The following SLC31A1 variants were observed in gnomAD, a reference collection of about 807,000 sequenced individuals.
SLC31A1 encodes high affinity copper uptake protein 1.
Under a neutral mutation model 17.2 loss-of-function variants are expected in SLC31A1, and 5 were observed. That is an observed-to-expected ratio of 0.29 (90% CI 0.15 to 0.61). The LOEUF is 0.61. Ranked by LOEUF, SLC31A1 falls within the 20% of genes least tolerant of loss-of-function variation. SLC31A1 has a pLI of 0.86. For missense variants in SLC31A1, 161 were observed against 241.4 expected, an observed-to-expected ratio of 0.67 and a Z score of 2.21; for synonymous variants, 76 against 78.8, an observed-to-expected ratio of 0.96 and a Z score of 0.19.
At chr9:113,256,652 G>A (rs986170410) in intron 2 of SLC31A1, 3 of 264,666 alleles carry the variant, frequency 1.1e-5, no homozygotes, top group African/African-American at 4.5e-5. Context: ...ACAAGGTCAG[G>A]AGATCGAGAC....
chr9:113,246,182 C>T (rs1831576026), intron 1 of SLC31A1, among the ~76,000 whole-genome samples: 1 of 151,878 alleles, frequency 6.6e-6, no homozygotes, highest in Non-Finnish European at 1.5e-5. Context: ...CAAGCTGGGA[C>T]CACAGGTGCA....
At chr9:113,226,809 A>AT (rs1184058121) in intron 1 of SLC31A1, among the ~76,000 whole-genome samples, 7 of 152,218 alleles carry the variant, frequency 4.6e-5, no homozygotes, top group African/African-American at 1.7e-4. Context: ...TTGTAGAACT[A>AT]TGATGAGTGT....
intron 1 of SLC31A1, among the ~76,000 whole-genome samples, chr9:113,244,488 T>C (rs925458000): frequency 6.6e-6 from 1 of 152,138 alleles, no homozygotes; most frequent in Non-Finnish European, 1.5e-5. Flanking sequence ...AGAGAAAATA[T>C]CTCCATCTGT....
At chr9:113,243,808 G>A (rs552542094) in intron 1 of SLC31A1, among the ~76,000 whole-genome samples, 48 of 152,162 alleles carry the variant, frequency 3.2e-4, no homozygotes, top group African/African-American at 7.9e-4. Context: ...CTGAGTTATC[G>A]TCCCTTTTTG....
At chr9:113,257,413 A>T (rs1051489326) in intron 3 of SLC31A1, among the ~76,000 whole-genome samples, 1 of 152,102 alleles carries the variant, frequency 6.6e-6, no homozygotes, top group African/African-American at 2.4e-5. Context: ...GCTCTAAAAA[A>T]TAATTTAGAT....
At chr9:113,234,980 T>C (rs566999652) in intron 1 of SLC31A1, among the ~76,000 whole-genome samples, 1 of 152,234 alleles carries the variant, frequency 6.6e-6, no homozygotes, top group South Asian at 2.1e-4. Flanking sequence ...AAATAAAGCA[T>C]GATAAATAGA....
Position 113,257,135 on chromosome 9 carries a change from T to G in SLC31A1, c.152T>G (p.Phe51Cys). The change falls in exon 3 of 5, where the codon TTT becomes TGT. Residue 51 changes from phenylalanine to cysteine, a missense_variant. Phe to Cys is a radical substitution (Grantham distance 205, BLOSUM62 -2). Transcript: ENST00000374212. Reference sequence around the variant, plus strand: ...CAGCCTATGACCTTCTACTTTGGCTTTAAGAATGTGGAACTACTGTTTTCC... The same window carrying G: ...CAGCCTATGACCTTCTACTTTGGCTGTAAGAATGTGGAACTACTGTTTTCC... ...MMMPMTFYFG[F>C]KNVELLFSGL... The G allele has an allele frequency of 6.2e-7, 1 of 1,614,006 alleles. No individual in the cohort carries two copies. Among genetic ancestry groups the G allele is most frequent in the Non-Finnish European group, 8.5e-7 (1 of 1,179,884 alleles).
intron 1 of SLC31A1, among the ~76,000 whole-genome samples, chr9:113,254,142 T>TG (rs1831693403): frequency 6.6e-6 from 1 of 151,854 alleles, no homozygotes; most frequent in Admixed American, 6.6e-5. Flanking sequence ...TTAGTAGAGA[T>TG]GGGGTTTCAT....
In SLC31A1 at chr9:113,262,743, T is replaced by G. The variant is rs1831807704; in HGVS notation, c.*2270T>G. The G allele has an allele frequency of 1.3e-5, 2 of 152,628 alleles. No individual in the cohort carries two copies. Among genetic ancestry groups the G allele is most frequent in the Admixed American group, 1.3e-4 (2 of 15,272 alleles). 9.5% of individuals were successfully genotyped at this position (152,628 alleles called of 1,614,324 possible). A position where few individuals can be genotyped will look rare whatever the true frequency, so the allele number is the denominator to read the frequency against. On this transcript the variant is annotated 3_prime_UTR_variant, in exon 5 of 5. Transcript: ENST00000374212. ...CAAAGGTATAATACAGCCTGTTGTC[T>G]AAAGCCAAGGAGTCATAAAACCATG...
intron 1 of SLC31A1, among the ~76,000 whole-genome samples, chr9:113,251,982 A>T (rs1164239034): frequency 1.3e-5 from 2 of 152,224 alleles, no homozygotes; most frequent in Admixed American, 6.5e-5. Flanking sequence ...AATGAGAGCA[A>T]GTAGATTCTG....
intron 1 of SLC31A1, among the ~76,000 whole-genome samples, chr9:113,238,375 C>T (rs929705773): frequency 6.6e-6 from 1 of 152,120 alleles, no homozygotes; most frequent in Admixed American, 6.6e-5. Context: ...GGTGTTTCCC[C>T]AAAAGAACTC....
chr9:113,227,511 C>T (rs1468547229), intron 1 of SLC31A1: 1 of 152,206 alleles, frequency 6.6e-6, no homozygotes, highest in Non-Finnish European at 1.5e-5. Context: ...ACCTTGGCCT[C>T]TTAGAGTGCT....
intron 2 of SLC31A1, 137 bp downstream of exon 2, chr9:113,256,414 A>AATGACTTGACTTGCTTGG: frequency 2.1e-6 from 2 of 957,444 alleles, no homozygotes; most frequent in Non-Finnish European, 3.1e-6. Context: ...GACCCAAGCA[A>AATGACTTGACTTGCTTGG]GTCAAGTCAT....
Position 113,258,905 on chromosome 9 carries a change from T to C in SLC31A1, c.371+43T>C. The stretch of plus-strand genomic sequence containing the variant: ...CCAGATGAAGTCCTAAAGAACTCGA[T>C]CAGTTAAGCAGCAAAGCGCAGCTGT... On this transcript the variant is annotated intron_variant, in intron 4 of 4. Coordinates refer to ENST00000374212, the MANE Select transcript of SLC31A1 (RefSeq NM_001859.4). This position sits in a 1 kb window ranked among gnomAD's most constrained non-coding sequence, Gnocchi z 4.8. 1 of 1,598,522 alleles carries C rather than the reference T, an allele frequency of 6.3e-7. No homozygotes were observed. The highest frequency in any genetic ancestry group is 8.6e-7 in the Non-Finnish European group (1 of 1,165,806).
chr9:113,257,425 C>T (rs886201100), intron 3 of SLC31A1, among the ~76,000 whole-genome samples: 1 of 151,776 alleles, frequency 6.6e-6, no homozygotes, highest in Non-Finnish European at 1.5e-5. Context: ...AATTTAGATA[C>T]CAGATAGAAT....
At chr9:113,250,750 G>A (rs1396365057) in intron 1 of SLC31A1, among the ~76,000 whole-genome samples, 2 of 151,516 alleles carry the variant, frequency 1.3e-5, no homozygotes, top group African/African-American at 4.9e-5. Context: ...TTCTGTCCCT[G>A]AGTTATATAT....
In SLC31A1 at chr9:113,262,951, G is replaced by A. The variant is rs1399620718; in HGVS notation, c.*2478G>A. 2.0e-5 allele frequency: 3 copies of A among 152,518 alleles called. No homozygotes were observed. The highest frequency in any genetic ancestry group is 4.4e-5 in the Non-Finnish European group (3 of 68,176). 9.4% of individuals were successfully genotyped at this position (152,518 alleles called of 1,614,324 possible). A position where few individuals can be genotyped will look rare whatever the true frequency, so the allele number is the denominator to read the frequency against. On this transcript the variant is annotated 3_prime_UTR_variant, in exon 5 of 5. Transcript: ENST00000374212. ...AAGGTGGGAGGATGGCTTGTGTCCA[G>A]AAGTTCGAGACCAGCCTGGACAACA...
At chr9:113,244,155 C>CAAAAAAA (rs1200835310) in intron 1 of SLC31A1, among the ~76,000 whole-genome samples, 1 of 41,302 alleles carries the variant, frequency 2.4e-5, no homozygotes. Context: ...AACTCCATCT[C>CAAAAAAA]AAAAAAAAAA....
At chr9:113,232,206 C>T (rs1377122821) in intron 1 of SLC31A1, among the ~76,000 whole-genome samples, 1 of 152,154 alleles carries the variant, frequency 6.6e-6, no homozygotes. Context: ...TGCTACTACT[C>T]TTACAAAATT....
Sources: gnomAD v4.1 joint callset for allele counts (sites outside exome capture counted in the v4.1 genomes callset) on GRCh38, gnomAD v4.1.1 for gene constraint, Gnocchi (gnomAD v3.1) non-coding constraint, MANE v1.5 for transcripts, NCBI Gene and HGNC (gene_info 2026-07-23, HGNC 2026-07-21) for gene names.